CTNNA3: variants seen among roughly 807,000 people sequenced by gnomAD.
CTNNA3 encodes the protein catenin alpha 3.
CTNNA3 carries 76 observed loss-of-function variants against 95.7 expected under a neutral mutation model. That is an observed-to-expected ratio of 0.79 (90% CI 0.66 to 0.96). CTNNA3 has a LOEUF of 0.96. Ranked by LOEUF, CTNNA3 falls within the 40% of genes least tolerant of loss-of-function variation. The pLI is 0.00. For missense variants in CTNNA3, 1,191 were observed against 1,089.8 expected, an observed-to-expected ratio of 1.09 and a Z score of -1.31; for synonymous variants, 431 against 374.4, an observed-to-expected ratio of 1.15 and a Z score of -1.74.
At chr10:65,981,418 C>T (rs906383058) in intron 16 of CTNNA3, among the ~76,000 whole-genome samples, 13 of 152,004 alleles carry the variant, frequency 8.6e-5, no homozygotes, top group East Asian at 5.8e-4. Flanking sequence ...AATGACCAGA[C>T]TTCCAAAAGC....
intron 5 of CTNNA3, among the ~76,000 whole-genome samples, chr10:67,327,538 G>A (rs971709169): frequency 2.0e-5 from 3 of 152,160 alleles, no homozygotes; most frequent in African/African-American, 2.4e-5. Context: ...TGTAACTCTG[G>A]GGGACTTGTA....
intron 1 of CTNNA3, among the ~76,000 whole-genome samples, chr10:67,654,735 A>G (rs1839973944): frequency 1.3e-5 from 2 of 152,224 alleles, no homozygotes; most frequent in South Asian, 4.1e-4. Context: ...AATCTGGACC[A>G]GTAAAGTTAC....
intron 3 of CTNNA3, among the ~76,000 whole-genome samples, chr10:67,554,385 T>C (rs1000590878): frequency 2.0e-5 from 3 of 152,196 alleles, no homozygotes; most frequent in African/African-American, 4.8e-5. Flanking sequence ...AGTGTAAAAG[T>C]GTTCCTATTT....
intron 5 of CTNNA3, among the ~76,000 whole-genome samples, chr10:67,396,013 TTAAATG>T (rs1844693738): frequency 6.6e-6 from 1 of 152,186 alleles, no homozygotes; most frequent in Non-Finnish European, 1.5e-5. Context: ...AAACATCACT[TTAAATG>T]TATGTTTGTA....
Position 66,143,261 on chromosome 10 carries a change from G to A in CTNNA3, c.1885-40012C>T, listed in dbSNP as rs952935876. On this transcript the variant is annotated intron_variant, in intron 13 of 17. Coordinates refer to ENST00000433211, the MANE Select transcript of CTNNA3 (RefSeq NM_013266.4). ...AGTTAGTTCAGTGTTTTTAAAGCTT[G>A]ATATTATGATACCAAGCAATAGCCG... Among the ~76,000 whole-genome samples the A allele has an allele frequency of 4.6e-5, 7 of 152,038 alleles. No homozygotes were observed. The South Asian group carries it at 6.2e-4, about 13-fold the overall frequency.
chr10:67,588,386 G>T (rs923100824), intron 3 of CTNNA3, among the ~76,000 whole-genome samples: 3 of 151,950 alleles, frequency 2.0e-5, no homozygotes, highest in African/African-American at 7.3e-5. Flanking sequence ...TGTGTCTCTG[G>T]TATTGCTTGG....
chr10:66,280,310 A>G (rs1239135242), intron 13 of CTNNA3, among the ~76,000 whole-genome samples, 160 bp downstream of exon 13: 2 of 152,042 alleles, frequency 1.3e-5, no homozygotes, highest in Non-Finnish European at 1.5e-5. Context: ...TGTTTGTGAC[A>G]GTAGATCTGA....
chr10:66,067,584 A>AT (rs2080338625), intron 15 of CTNNA3, among the ~76,000 whole-genome samples: 1 of 152,088 alleles, frequency 6.6e-6, no homozygotes, highest in South Asian at 2.1e-4. Flanking sequence ...TTGTGAGTTG[A>AT]TTTTTCAGTA....
At chr10:67,605,160 C>G (rs1267275122) in intron 3 of CTNNA3, among the ~76,000 whole-genome samples, 2 of 151,932 alleles carry the variant, frequency 1.3e-5, no homozygotes, top group East Asian at 3.9e-4. Flanking sequence ...ACAGATGAAT[C>G]GATAAAGAAA....
intron 5 of CTNNA3, among the ~76,000 whole-genome samples, chr10:67,332,694 C>T (rs979169225): frequency 1.3e-5 from 2 of 152,056 alleles, no homozygotes; most frequent in African/African-American, 2.4e-5. Flanking sequence ...TTTCTTTACA[C>T]ATTTTTTAAA....
intron 5 of CTNNA3, among the ~76,000 whole-genome samples, chr10:67,394,788 T>TA (rs1376519675): frequency 6.6e-6 from 1 of 151,058 alleles, no homozygotes; most frequent in Non-Finnish European, 1.5e-5. Flanking sequence ...ATTTGTGGCA[T>TA]TTTTTTTTAT....
At chr10:66,277,977 A>G (rs2091428152) in intron 13 of CTNNA3, among the ~76,000 whole-genome samples, 1 of 151,766 alleles carries the variant, frequency 6.6e-6, no homozygotes, top group Non-Finnish European at 1.5e-5. Context: ...TAAAGGACCA[A>G]TATAATTTAA....
At chr10:66,182,688 C>T (rs757444133) in intron 13 of CTNNA3, among the ~76,000 whole-genome samples, 6 of 152,026 alleles carry the variant, frequency 3.9e-5, no homozygotes, top group Admixed American at 1.3e-4. Flanking sequence ...TACTTTTTAA[C>T]AACATGGCCA....
intron 7 of CTNNA3, among the ~76,000 whole-genome samples, chr10:67,071,849 T>A (rs1259784631): frequency 6.6e-6 from 1 of 152,232 alleles, no homozygotes; most frequent in African/African-American, 2.4e-5. Context: ...TAAACTTGTA[T>A]TATACTGTGC....
chr10:67,381,244 G>A (rs1265179341), intron 5 of CTNNA3, among the ~76,000 whole-genome samples: 1 of 152,128 alleles, frequency 6.6e-6, no homozygotes, highest in Non-Finnish European at 1.5e-5. Flanking sequence ...TAACTTTTAG[G>A]TTTCAAAATG....
At chr10:67,389,542 C>T (rs530087198) in intron 5 of CTNNA3, among the ~76,000 whole-genome samples, 7 of 152,000 alleles carry the variant, frequency 4.6e-5, no homozygotes, top group African/African-American at 9.7e-5. Context: ...TTGAACTCAG[C>T]TCTGCACCAA....
At chr10:67,704,391 A>G (rs1227128769) in intron 1 of CTNNA3, among the ~76,000 whole-genome samples, 1 of 152,258 alleles carries the variant, frequency 6.6e-6, no homozygotes, top group Non-Finnish European at 1.5e-5. Context: ...ACAAGGCTAC[A>G]GTAACCAAAA....
At chr10:66,653,459 A>C (rs1470084064) in intron 9 of CTNNA3, among the ~76,000 whole-genome samples, 1 of 152,124 alleles carries the variant, frequency 6.6e-6, no homozygotes, top group Non-Finnish European at 1.5e-5. Flanking sequence ...AAATTGAAGA[A>C]GACACAAGTA....
intron 1 of CTNNA3, among the ~76,000 whole-genome samples, chr10:67,718,241 T>A (rs1395002838): frequency 6.6e-6 from 1 of 152,210 alleles, no homozygotes. Flanking sequence ...TTTCTAAATA[T>A]TCAATCATGC....
Sources: gnomAD v4.1 joint callset for allele counts (sites outside exome capture counted in the v4.1 genomes callset) on GRCh38, gnomAD v4.1.1 for gene constraint, MANE v1.5 for transcripts, NCBI Gene and HGNC (gene_info 2026-07-23, HGNC 2026-07-21) for gene names.